Variants in ANK2 observed in about 807,000 individuals in gnomAD.
ANK2 encodes the protein ankyrin 2.
A neutral mutation model predicts 360.5 loss-of-function variants in ANK2; 83 were observed. The ratio of observed to expected loss-of-function variants is 0.23; its 90% CI spans 0.19 to 0.28. ANK2 has a LOEUF of 0.28. Among genes scored for constraint, ANK2 ranks in the 10% least tolerant of loss-of-function variants. The probability of loss-of-function intolerance (pLI) is 1.00; values close to 1 mark genes in which losing one functional copy is unlikely to be tolerated. For missense variants in ANK2, 4,201 were observed against 4,795.7 expected, an observed-to-expected ratio of 0.88 and a Z score of 3.66; for synonymous variants, 1,740 against 1,759.5, an observed-to-expected ratio of 0.99 and a Z score of 0.28.
intron 3 of ANK2, 76 bp from the exon 4 acceptor site, chr4:113,198,935 G>C (rs2098790488): frequency 1.7e-6 from 2 of 1,207,248 alleles, no homozygotes. Flanking sequence ...TAGTGAAGTT[G>C]AAAAATGCCT....
intron 2 of ANK2, among the ~76,000 whole-genome samples, chr4:113,177,372 G>T (rs528243654): frequency 2.0e-5 from 3 of 152,132 alleles, no homozygotes; most frequent in Non-Finnish European, 4.4e-5. Flanking sequence ...GAGCCACCGC[G>T]CCCGGCCAAA....
chr4:113,251,499 T>C (rs2046355283), intron 10 of ANK2, among the ~76,000 whole-genome samples: 1 of 146,132 alleles, frequency 6.8e-6, no homozygotes, highest in Admixed American at 6.8e-5. Flanking sequence ...TTTTTTTTTT[T>C]TGAGATGCAG....
chr4:112,984,281 G>A (rs60003296), intron 2 of ANK2, among the ~76,000 whole-genome samples: 29,419 of 152,148 alleles, frequency 0.19, 3,183 homozygotes, highest in East Asian at 0.38. Flanking sequence ...AGACATACCT[G>A]AGACTGGGCA....
intron 1 of ANK2, among the ~76,000 whole-genome samples, chr4:112,847,945 G>A (rs2063711959): frequency 6.6e-6 from 1 of 151,974 alleles, no homozygotes; most frequent in South Asian, 2.1e-4. Context: ...CACATGGCTG[G>A]CACTTATAGG....
At chr4:112,960,454 C>T (rs1191405050) in intron 2 of ANK2, among the ~76,000 whole-genome samples, 1 of 151,820 alleles carries the variant, frequency 6.6e-6, no homozygotes, top group Admixed American at 6.6e-5. Context: ...GTTTCTATTT[C>T]CTTACAAAGT....
intron 2 of ANK2, among the ~76,000 whole-genome samples, chr4:113,013,644 C>T (rs2055554687): frequency 6.6e-6 from 1 of 152,074 alleles, no homozygotes; most frequent in Non-Finnish European, 1.5e-5. Context: ...ATATGTGTTT[C>T]CTTGGCAGTG....
At chr4:113,090,109 G>C (rs1166288526) in intron 1 of ANK2, among the ~76,000 whole-genome samples, 1 of 152,114 alleles carries the variant, frequency 6.6e-6, no homozygotes. Flanking sequence ...CATATCTTGG[G>C]AATAGAATGG....
the ANK2 span, among the ~76,000 whole-genome samples, chr4:112,777,568 A>G: frequency 6.6e-6 from 1 of 150,898 alleles, no homozygotes; most frequent in African/African-American, 2.4e-5. Context: ...CCCTGCTAAT[A>G]AAGATACTGA....
intron 9 of ANK2, among the ~76,000 whole-genome samples, chr4:113,244,520 AT>A (rs1218090383): frequency 1.3e-5 from 2 of 152,190 alleles, no homozygotes; most frequent in Non-Finnish European, 2.9e-5. Flanking sequence ...TAAATGTAGA[AT>A]TGGGAAGAGG....
intron 4 of ANK2, among the ~76,000 whole-genome samples, chr4:113,208,464 A>G (rs1015266732): frequency 6.6e-6 from 1 of 151,944 alleles, no homozygotes; most frequent in East Asian, 1.9e-4. Flanking sequence ...CAACACTATA[A>G]TATAAAACAG....
intron 4 of ANK2, among the ~76,000 whole-genome samples, chr4:113,216,312 C>T (rs2099085039): frequency 6.6e-6 from 1 of 152,310 alleles, no homozygotes; most frequent in South Asian, 2.1e-4. Context: ...AACACTTTCT[C>T]GAAGCCTATG....
At chr4:112,947,616 T>C (rs2094629482) in intron 2 of ANK2, among the ~76,000 whole-genome samples, 1 of 152,198 alleles carries the variant, frequency 6.6e-6, no homozygotes, top group Non-Finnish European at 1.5e-5. Flanking sequence ...GCAGAAAGCA[T>C]GCAGGGCAAA....
At chr4:113,058,646 C>T (rs535017304) in intron 1 of ANK2, among the ~76,000 whole-genome samples, 1 of 152,088 alleles carries the variant, frequency 6.6e-6, no homozygotes, top group Admixed American at 6.6e-5. Flanking sequence ...TGGCGGGATG[C>T]CTTTCTCTCT....
chr4:112,905,823 G>A (rs113499329), intron 2 of ANK2, among the ~76,000 whole-genome samples: 124 of 152,028 alleles, frequency 8.2e-4, no homozygotes, highest in African/African-American at 2.7e-3. Context: ...CACCATGCCC[G>A]ACTAATTTTT....
At chr4:112,769,809 A>G in the ANK2 span, among the ~76,000 whole-genome samples, 3 of 152,014 alleles carry the variant, frequency 2.0e-5, no homozygotes, top group Admixed American at 2.0e-4. Context: ...GGAAGGAGGA[A>G]TTTCTTCCTT....
chr4:112,856,923 A>G (rs953677562), intron 1 of ANK2, among the ~76,000 whole-genome samples: 1 of 152,186 alleles, frequency 6.6e-6, no homozygotes, highest in Non-Finnish European at 1.5e-5. Flanking sequence ...GGGTTGGAAA[A>G]TTACTGAGGA....
chr4:112,708,135 G>A, the ANK2 span, among the ~76,000 whole-genome samples: 1 of 152,208 alleles, frequency 6.6e-6, no homozygotes, highest in African/African-American at 2.4e-5. Flanking sequence ...GAGCAAATTA[G>A]AAATAGAAAA....
At chr4:113,246,125 T>TTTG (rs899748756) in intron 9 of ANK2, among the ~76,000 whole-genome samples, 8 of 152,178 alleles carry the variant, frequency 5.3e-5, no homozygotes, top group South Asian at 2.1e-4. Context: ...ATGTTTTCAT[T>TTTG]TTGTTGTTGT....
chr4:112,915,441 C>T (rs1374725104), intron 2 of ANK2, among the ~76,000 whole-genome samples: 1 of 151,970 alleles, frequency 6.6e-6, no homozygotes, highest in Non-Finnish European at 1.5e-5. Flanking sequence ...AGACTGGTAG[C>T]AAGATAGTAT....
Sources: allele counts gnomAD v4.1 joint callset (sites outside exome capture counted in the v4.1 genomes callset), GRCh38; gene constraint gnomAD v4.1.1; transcripts MANE v1.5; gene names NCBI Gene and HGNC (gene_info 2026-07-23, HGNC 2026-07-21).